Variants in CRYZL1 observed in about 807,000 individuals in gnomAD.
CRYZL1 encodes the protein crystallin zeta like 1, also known as ferry endosomal RAB5 effector complex subunit 4.
Under a neutral mutation model 50.6 loss-of-function variants are expected in CRYZL1, and 34 were observed. The observed-to-expected ratio is 0.67, with a 90% CI of 0.51 to 0.89. CRYZL1 has a LOEUF of 0.89. Among genes scored for constraint, CRYZL1 ranks in the 40% least tolerant of loss-of-function variants. The probability of loss-of-function intolerance (pLI) is 0.00; values close to 1 mark genes in which losing one functional copy is unlikely to be tolerated. For synonymous variants in CRYZL1, 125 were observed against 134.3 expected, an observed-to-expected ratio of 0.93 and a Z score of 0.48; for missense variants, 354 against 402.3, an observed-to-expected ratio of 0.88 and a Z score of 1.03.
Position 33,594,320 on chromosome 21 carries a change from A to AT in CRYZL1, c.904+1410dup, listed in dbSNP as rs879901753. 7.4e-3 allele frequency among the ~76,000 whole-genome samples: 1,049 copies of AT among 141,376 alleles called. 14 individuals carry two copies. Among genetic ancestry groups the AT allele is most frequent in the African/African-American group, 0.023 (889 of 38,680 alleles). 92.7% of individuals were successfully genotyped at this position (141,376 alleles called of 152,430 possible). A position where few individuals can be genotyped will look rare whatever the true frequency, so the allele number is the denominator to read the frequency against. ...AGGCGTGTGCCACCACACCCAACTA[A>AT]TTTTTTTTTTTTTGGTATTTTTAAT... On this transcript the variant is annotated intron_variant, in intron 11 of 12. Coordinates refer to ENST00000381554, the MANE Select transcript of CRYZL1 (RefSeq NM_145858.3).
chr21:33,589,609 G>GATGTTAATTATAGAATT lies in CRYZL1; in HGVS notation c.*196_*212dup. ...AAGGTTTTTAGAAAAATTCCCTTAA[G>GATGTTAATTATAGAATT]ATGTTAATTATAGAATTATCTTGAT... On this transcript the variant is annotated 3_prime_UTR_variant, in exon 13 of 13. Coordinates refer to ENST00000381554, the MANE Select transcript of CRYZL1 (RefSeq NM_145858.3). The GATGTTAATTATAGAATT allele has an allele frequency of 1.9e-6, 1 of 520,180 alleles. No homozygotes were observed. The highest frequency in any genetic ancestry group is 3.4e-6 in the Non-Finnish European group (1 of 290,198). The allele number at this position is 520,180 out of a possible 1,614,324, so 32.2% of individuals were successfully genotyped here.
intron 6 of CRYZL1, among the ~76,000 whole-genome samples, chr21:33,606,606 A>T (rs1005539372): frequency 6.6e-6 from 1 of 151,612 alleles, no homozygotes; most frequent in Non-Finnish European, 1.5e-5. Flanking sequence ...AGACTAGGTG[A>T]CAGGGCAAGA....
Position 33,599,194 on chromosome 21 carries a change from T to C in CRYZL1, c.632A>G (p.Glu211Gly), listed in dbSNP as rs756088252. The C allele has an allele frequency of 1.2e-6, 2 of 1,613,976 alleles. No individual in the cohort carries two copies. Among genetic ancestry groups the C allele is most frequent in the East Asian group, 2.2e-5 (1 of 44,866 alleles). The change falls in exon 9 of 13, where the codon GAA (glutamate) becomes GGA (glycine). Residue 211 changes from glutamate (E) to glycine (G), a missense_variant. Physicochemically the swap from Glu to Gly is moderately conservative, Grantham distance 98. Coordinates refer to ENST00000381554, the MANE Select transcript of CRYZL1 (RefSeq NM_145858.3). ...GKVHVAESCL[E>G]ETGGLGVDIV... ...ATCTACTCCCAGGCCACCTGTTTCT[T>C]CCAAACAGCTTTCAGCAACATGAAC... is the stretch of plus-strand genomic sequence containing the variant.
At chr21:33,596,282 T>G (rs1199810661) in intron 10 of CRYZL1, 1 of 396,430 alleles carries the variant, frequency 2.5e-6, no homozygotes, top group Non-Finnish European at 5.1e-6. Flanking sequence ...TAATTTTATA[T>G]AGAAATATTT....
At chr21:33,623,052 G>A (rs529754348) in intron 3 of CRYZL1, among the ~76,000 whole-genome samples, 56 of 145,444 alleles carry the variant, frequency 3.9e-4, no homozygotes, top group Non-Finnish European at 7.5e-4. Context: ...TGCAACCTCC[G>A]CCTCCCAGGT....
In CRYZL1 at chr21:33,629,455, GT is replaced by G. The variant is rs1281881450; in HGVS notation, c.66+2030del. 2.0e-5 allele frequency among the ~76,000 whole-genome samples: 3 copies of G among 152,186 alleles called. No individual in the cohort carries two copies. In the East Asian group the frequency reaches 5.8e-4, roughly 29 times the overall value. On this transcript the variant is annotated intron_variant, in intron 2 of 12. Coordinates refer to ENST00000381554, the MANE Select transcript of CRYZL1 (RefSeq NM_145858.3). Reference sequence around the variant, plus strand: ...TTTTTGTATTTTTAGTAGAGATGGGGTTTCACCGTGTTGCCCAGGCTGGTCT... The same window carrying G: ...TTTTTGTATTTTTAGTAGAGATGGGGTTCACCGTGTTGCCCAGGCTGGTCT...
intron 2 of CRYZL1, among the ~76,000 whole-genome samples, chr21:33,624,977 A>G (rs1330269926): frequency 1.3e-5 from 2 of 152,192 alleles, no homozygotes; most frequent in Non-Finnish European, 2.9e-5. Flanking sequence ...TTGGATACAT[A>G]TTTTTAAAAG....
intron 3 of CRYZL1, 97 bp downstream of exon 3, chr21:33,624,586 A>C (rs1173320414): frequency 2.0e-6 from 3 of 1,525,584 alleles, no homozygotes; most frequent in Non-Finnish European, 2.6e-6. Flanking sequence ...ATGGTAATAA[A>C]TTCTTCACAT....
At chr21:33,610,497 A>G (rs899188897) in intron 6 of CRYZL1, among the ~76,000 whole-genome samples, 2 of 152,074 alleles carry the variant, frequency 1.3e-5, no homozygotes, top group African/African-American at 2.4e-5. Context: ...TTCTTCCTCA[A>G]GGAATATCTG....
chr21:33,616,786 A>G, intron 4 of CRYZL1, 36 bp from the exon 5 acceptor site: 1 of 1,474,508 alleles, frequency 6.8e-7, no homozygotes, highest in Non-Finnish European at 9.2e-7. Context: ...TAATATTACA[A>G]GTTTATTAAA....
At chr21:33,618,843 CT>C (rs2086964764) in intron 4 of CRYZL1, among the ~76,000 whole-genome samples, 1 of 152,118 alleles carries the variant, frequency 6.6e-6, no homozygotes, top group African/African-American at 2.4e-5. Flanking sequence ...TACTCCTCTT[CT>C]TTTAATTGAC....
At chr21:33,615,154 C>CTT (rs10550201) in intron 5 of CRYZL1, among the ~76,000 whole-genome samples, 1 of 123,632 alleles carries the variant, frequency 8.1e-6, no homozygotes, top group Non-Finnish European at 1.7e-5. Context: ...TTCTTTCTCT[C>CTT]TTTTTTTTTT....
chr21:33,604,300 G>A (rs1314353958), intron 6 of CRYZL1, among the ~76,000 whole-genome samples: 1 of 144,884 alleles, frequency 6.9e-6, no homozygotes, highest in Admixed American at 7.2e-5. Context: ...AGCTTGTAGC[G>A]AGCAGAGCTC....
chr21:33,625,768 G>A (rs1174897945), intron 2 of CRYZL1, among the ~76,000 whole-genome samples: 3 of 152,202 alleles, frequency 2.0e-5, no homozygotes, highest in South Asian at 4.2e-4. Flanking sequence ...AAAAGCATAA[G>A]ACATAGTGCC....
At chr21:33,595,979 C>T (rs1279872342) in intron 10 of CRYZL1, 143 bp from the exon 11 acceptor site, 11 of 648,518 alleles carry the variant, frequency 1.7e-5, no homozygotes, top group Admixed American at 2.8e-5. Flanking sequence ...ATAACGTAAA[C>T]GATAATATTT....
At chr21:33,596,474 C>G (rs2086693823) in intron 10 of CRYZL1, among the ~76,000 whole-genome samples, 1 of 151,784 alleles carries the variant, frequency 6.6e-6, no homozygotes, top group Non-Finnish European at 1.5e-5. Context: ...CCTGTCTCTA[C>G]TAAATATACA....
At chr21:33,620,721 G>A (rs535449758) in intron 4 of CRYZL1, among the ~76,000 whole-genome samples, 36 of 151,806 alleles carry the variant, frequency 2.4e-4, no homozygotes, top group South Asian at 4.2e-4. Context: ...CTGAGGCAGA[G>A]TTGCTTGAAT....
chr21:33,637,764 T>TAG (rs2087226844), intron 1 of CRYZL1, among the ~76,000 whole-genome samples: 1 of 103,686 alleles, frequency 9.6e-6, no homozygotes, highest in Non-Finnish European at 1.9e-5. Context: ...GAAAAACATA[T>TAG]ATATATATAT....
chr21:33,608,544 C>T (rs538505782), intron 6 of CRYZL1, among the ~76,000 whole-genome samples: 1 of 152,248 alleles, frequency 6.6e-6, no homozygotes, highest in African/African-American at 2.4e-5. Context: ...CTCCCCAGCC[C>T]GCAGCCTCTG....
Sources: allele counts gnomAD v4.1 joint callset (sites outside exome capture counted in the v4.1 genomes callset), GRCh38; gene constraint gnomAD v4.1.1; transcripts MANE v1.5; gene names NCBI Gene and HGNC (gene_info 2026-07-23, HGNC 2026-07-21).